Variants in ACOXL observed in about 807,000 individuals in gnomAD.
ACOXL encodes the protein acyl-CoA oxidase like.
Under a neutral mutation model 71.9 loss-of-function variants are expected in ACOXL, and 70 were observed. The observed-to-expected ratio is 0.97, with a 90% confidence interval of 0.80 to 1.19. The LOEUF is 1.19. ACOXL is among the 50% of genes most tolerant of loss of function. The pLI is 0.00. For missense variants in ACOXL, 703 were observed against 736.3 expected, an observed-to-expected ratio of 0.95 and a Z score of 0.52; for synonymous variants, 253 against 281.6, an observed-to-expected ratio of 0.90 and a Z score of 1.02.
At chr2:110,776,886 G>A (rs960073015) in intron 2 of ACOXL, among the ~76,000 whole-genome samples, 4 of 152,030 alleles carry the variant, frequency 2.6e-5, no homozygotes, top group Non-Finnish European at 4.4e-5. Flanking sequence ...AGTCACCAGG[G>A]AGAGAGGTGG....
At chr2:110,745,305 C>G (rs894024210) in intron 1 of ACOXL, among the ~76,000 whole-genome samples, 1 of 152,150 alleles carries the variant, frequency 6.6e-6, no homozygotes. Flanking sequence ...AGAGAGGGAC[C>G]CTTTTTGGTT....
intron 17 of ACOXL, chr2:111,100,308 T>G (rs546020566): frequency 6.6e-6 from 1 of 152,646 alleles, no homozygotes; most frequent in Non-Finnish European, 1.5e-5. Context: ...CATGTGAGCA[T>G]GCAGGTGATG....
rs767286225 is a variant in ACOXL, at chr2:110,908,797, A to G, written c.797A>G (p.Gln266Arg). 6.2e-7 allele frequency: 1 copy of G among 1,613,972 alleles called. No homozygotes were observed. The highest frequency in any genetic ancestry group is 1.1e-5 in the South Asian group (1 of 91,034). ...IAIRYSHSRR[Q>R]FGPKTKEEVK... is the part of the protein sequence containing the mutation. ...CTGTTGATTCCCTCTAGCCGGAGGCAGTTTGGGCCCAAAACCAAGGAAGAG... is the reference window on the plus strand; with the variant it reads ...CTGTTGATTCCCTCTAGCCGGAGGCGGTTTGGGCCCAAAACCAAGGAAGAG... Residue 266 changes from glutamine (Q) to arginine (R), a missense_variant, in exon 11 of 18, where the codon CAG becomes CGG. Gln to Arg is a conservative substitution (Grantham distance 43). Coordinates refer to ENST00000439055, the MANE Select transcript of ACOXL (RefSeq NM_001142807.4).
chr2:110,948,403 G>A (rs2061193729), intron 12 of ACOXL, among the ~76,000 whole-genome samples: 2 of 152,154 alleles, frequency 1.3e-5, no homozygotes, highest in Admixed American at 1.3e-4. Flanking sequence ...TTTGTCCCAG[G>A]ACTAACTCCT....
At chr2:110,856,091 G>T (rs1219886819) in intron 10 of ACOXL, among the ~76,000 whole-genome samples, 2 of 152,086 alleles carry the variant, frequency 1.3e-5, no homozygotes, top group Non-Finnish European at 2.9e-5. Context: ...GCACTGATTG[G>T]TGCATTTTAC....
chr2:110,772,429 G>C (rs757488417), intron 2 of ACOXL, among the ~76,000 whole-genome samples: 1 of 152,144 alleles, frequency 6.6e-6, no homozygotes, highest in Non-Finnish European at 1.5e-5. Flanking sequence ...CCCCAAAATT[G>C]TTCCCATTAA....
chr2:110,934,773 G>A (rs1377386808), intron 12 of ACOXL, among the ~76,000 whole-genome samples: 1 of 152,134 alleles, frequency 6.6e-6, no homozygotes, highest in Non-Finnish European at 1.5e-5. Flanking sequence ...TCTTTTAGGT[G>A]GCTAAGTGAA....
At chr2:110,961,148 T>A (rs753486683) in intron 12 of ACOXL, among the ~76,000 whole-genome samples, 8 of 152,350 alleles carry the variant, frequency 5.3e-5, no homozygotes, top group Non-Finnish European at 1.0e-4. Flanking sequence ...ATTTTTCTCG[T>A]TGCCATTTCA....
chr2:110,798,803 G>A lies in ACOXL; in HGVS notation c.460+79G>A. On this transcript the variant is annotated intron_variant, in intron 6 of 17. Coordinates refer to ENST00000439055, the MANE Select transcript of ACOXL (RefSeq NM_001142807.4). ...CAGTGAAAAACCATTTCACAGAGCTGCTTTTATCTTGTAAATAATTCAGTA... is the reference window on the plus strand; with the variant it reads ...CAGTGAAAAACCATTTCACAGAGCTACTTTTATCTTGTAAATAATTCAGTA... 2.2e-6 allele frequency: 3 copies of A among 1,360,222 alleles called. No homozygotes were observed. The South Asian group carries it at 3.6e-5, about 16-fold the overall frequency. The allele number at this position is 1,360,222 out of a possible 1,614,324, so 84.3% of individuals were successfully genotyped here.
intron 9 of ACOXL, among the ~76,000 whole-genome samples, chr2:110,827,113 G>A (rs1035893024): frequency 2.0e-5 from 3 of 152,174 alleles, no homozygotes; most frequent in Non-Finnish European, 4.4e-5. Context: ...ATACAAACCT[G>A]CTAATTTTAA....
intron 9 of ACOXL, among the ~76,000 whole-genome samples, chr2:110,816,823 C>G (rs971071642): frequency 6.6e-6 from 1 of 152,180 alleles, no homozygotes; most frequent in African/African-American, 2.4e-5. Flanking sequence ...CAATACAGAC[C>G]TGGTTGCAGC....
chr2:111,024,150 G>A (rs1358994345), intron 14 of ACOXL, among the ~76,000 whole-genome samples: 2 of 152,174 alleles, frequency 1.3e-5, no homozygotes, highest in African/African-American at 4.8e-5. Flanking sequence ...TCAGGCTGTG[G>A]CTCCATGACA....
chr2:110,759,886 G>C (rs1680161848), intron 1 of ACOXL, among the ~76,000 whole-genome samples: 1 of 151,960 alleles, frequency 6.6e-6, no homozygotes, highest in Admixed American at 6.6e-5. Flanking sequence ...ATATTTAGAT[G>C]AAAGCTTTTT....
chr2:111,028,032 A>C (rs1277623171), intron 14 of ACOXL, among the ~76,000 whole-genome samples: 1 of 151,840 alleles, frequency 6.6e-6, no homozygotes, highest in Admixed American at 6.6e-5. Context: ...CTGAAAATTC[A>C]GAAGAGTTAG....
chr2:111,043,965 A>G (rs1574583514), intron 15 of ACOXL, among the ~76,000 whole-genome samples: 1 of 152,094 alleles, frequency 6.6e-6, no homozygotes. Context: ...TTCCTTCCCT[A>G]CCAGGAAGGA....
intron 11 of ACOXL, among the ~76,000 whole-genome samples, chr2:110,919,218 A>C (rs1043362952): frequency 3.3e-5 from 5 of 152,232 alleles, no homozygotes; most frequent in African/African-American, 9.6e-5. Context: ...ACAGACTACT[A>C]TGCAGCCATG....
chr2:110,939,505 C>T lies in ACOXL; in HGVS notation c.1059+5863C>T, dbSNP rs2060791702. Among the ~76,000 whole-genome samples the T allele has an allele frequency of 2.0e-5, 3 of 152,156 alleles. 1 individual carries two copies. The South Asian group carries it at 6.2e-4, about 32-fold the overall frequency. On this transcript the variant is annotated intron_variant, in intron 12 of 17. Coordinates refer to ENST00000439055, the MANE Select transcript of ACOXL (RefSeq NM_001142807.4). ...TTACTTTGAAGTAAAATTTTCATAG[C>T]CGGTACCATTTATCTTGTAGGTGTA...
intron 10 of ACOXL, among the ~76,000 whole-genome samples, chr2:110,857,679 A>G (rs1693425610): frequency 6.6e-6 from 1 of 152,060 alleles, no homozygotes; most frequent in Non-Finnish European, 1.5e-5. Flanking sequence ...CTCTGGCTAG[A>G]GTATTTTATT....
In ACOXL at chr2:110,968,554, A is replaced by G. The variant is rs1281662664; in HGVS notation, c.1060-18554A>G. 2.8e-6 allele frequency: 3 copies of G among 1,054,460 alleles called. No homozygotes were observed. In the African/African-American group the frequency reaches 4.7e-5, roughly 17 times the overall value. 65.3% of individuals were successfully genotyped at this position (1,054,460 alleles called of 1,614,324 possible). On this transcript the variant is annotated intron_variant, in intron 12 of 17. Transcript: ENST00000439055. ...TCCAGACATGACGGAGGAGATGTAT[A>G]AGAAAGCTCATGCTGCTTATACATC...
Sources: gnomAD v4.1 joint callset for allele counts (sites outside exome capture counted in the v4.1 genomes callset) on GRCh38, gnomAD v4.1.1 for gene constraint, MANE v1.5 for transcripts, NCBI Gene and HGNC (gene_info 2026-07-23, HGNC 2026-07-21) for gene names.